Variants in NUP98 observed in about 807,000 individuals in gnomAD.
The protein encoded by NUP98 is nucleoporin 98 and 96 precursor.
NUP98 carries 26 observed loss-of-function variants against 191.9 expected under a neutral mutation model. That is an observed-to-expected ratio of 0.14 (90% confidence interval 0.10 to 0.19). The LOEUF is 0.19. Among genes scored for constraint, NUP98 ranks in the 10% least tolerant of loss-of-function variants. The pLI is 1.00. For missense variants in NUP98, 1,941 were observed against 2,178.8 expected (o/e 0.89, Z 2.17); for synonymous variants, 808 against 778.4 (o/e 1.04, Z -0.63).
chr11:3,797,289 G>C, intron 1 of NUP98, 111 bp downstream of exon 1: 1 of 397,096 alleles, frequency 2.5e-6, no homozygotes, highest in Non-Finnish European at 4.4e-6. Context: ...TGCGCGCAGC[G>C]GCGCTAGACT....
intron 20 of NUP98, among the ~76,000 whole-genome samples, chr11:3,708,471 T>A (rs758229347): frequency 3.2e-4 from 48 of 152,268 alleles, no homozygotes; most frequent in African/African-American, 1.1e-3. Context: ...ATGCTAAGGA[T>A]CAAGGTTTTA....
At chr11:3,700,501 A>T in intron 24 of NUP98, 109 bp downstream of exon 24, 1 of 655,164 alleles carries the variant, frequency 1.5e-6, no homozygotes, top group Non-Finnish European at 2.6e-6. Flanking sequence ...AATGACAAGC[A>T]CAGGCATTTA....
intron 27 of NUP98, among the ~76,000 whole-genome samples, chr11:3,691,707 C>T (rs920121799): frequency 1.3e-5 from 2 of 152,132 alleles, no homozygotes; most frequent in African/African-American, 2.4e-5. Flanking sequence ...CTGCACACCA[C>T]CACACCCGGC....
intron 31 of NUP98, among the ~76,000 whole-genome samples, chr11:3,677,428 T>TTG (rs1439462603): frequency 3.4e-5 from 5 of 147,062 alleles, no homozygotes; most frequent in Admixed American, 6.8e-5. Flanking sequence ...TTTTTTTTTT[T>TTG]GGGAGAAGGG....
chr11:3,753,279 G>T, intron 11 of NUP98, 37 bp downstream of exon 11: 1 of 1,482,296 alleles, frequency 6.7e-7, no homozygotes. Flanking sequence ...AAGTCAAGCT[G>T]TGTCACTTCC....
Position 3,675,939 on chromosome 11 carries a change from A to G in NUP98, c.*220T>C, listed in dbSNP as rs2077793726. The G allele has an allele frequency of 3.5e-6, 2 of 573,998 alleles. No individual in the cohort carries two copies. The highest frequency in any genetic ancestry group is 5.8e-5 in the East Asian group (2 of 34,660). 35.6% of individuals were successfully genotyped at this position (573,998 alleles called of 1,614,324 possible). ...GGAAAAACACTGAATGATCTTGAGG[A>G]TGGTAAACTGTCTCCTCTTCTGGGT... On this transcript the variant is annotated 3_prime_UTR_variant, in exon 33 of 33. Transcript: ENST00000324932.
chr11:3,759,696 A>T (rs2081099592), intron 10 of NUP98, among the ~76,000 whole-genome samples: 1 of 152,170 alleles, frequency 6.6e-6, no homozygotes, highest in South Asian at 2.1e-4. Context: ...ATTATTGTTC[A>T]ATCTTTTCTG....
intron 28 of NUP98, 117 bp from the exon 29 acceptor site, chr11:3,686,311 G>A (rs2078130795): frequency 1.2e-6 from 1 of 811,160 alleles, no homozygotes; most frequent in African/African-American, 1.7e-5. Flanking sequence ...AAGCATTATA[G>A]GCCTTCTCTC....
At chr11:3,717,251 G>A (rs1376230907) in intron 18 of NUP98, among the ~76,000 whole-genome samples, 1 of 152,106 alleles carries the variant, frequency 6.6e-6, no homozygotes, top group Non-Finnish European at 1.5e-5. Flanking sequence ...GCCCGCCTAG[G>A]CCTCCCGAAG....
chr11:3,713,687 C>G, intron 19 of NUP98, 131 bp downstream of exon 19: 1 of 874,604 alleles, frequency 1.1e-6, no homozygotes, highest in Admixed American at 2.9e-5. Flanking sequence ...CCATTGTACT[C>G]CAGCCTGAGC....
At chr11:3,685,623 CTTCA>C (rs1025823439) in intron 29 of NUP98, among the ~76,000 whole-genome samples, 1 of 152,210 alleles carries the variant, frequency 6.6e-6, no homozygotes, top group Non-Finnish European at 1.5e-5. Context: ...CTCATTTCCA[CTTCA>C]TTATTTCCTA....
intron 27 of NUP98, among the ~76,000 whole-genome samples, chr11:3,691,873 A>C (rs1158662022): frequency 6.6e-6 from 1 of 152,082 alleles, no homozygotes; most frequent in African/African-American, 2.4e-5. Context: ...TTATGTTTCA[A>C]ATTCTTAAGA....
At chr11:3,683,155 G>A (rs1243416438) in intron 30 of NUP98, 45 bp downstream of exon 30, 5 of 1,609,460 alleles carry the variant, frequency 3.1e-6, no homozygotes, top group East Asian at 2.2e-5. Context: ...TCAGAGGTTG[G>A]AGGAATTTGG....
intron 20 of NUP98, chr11:3,712,082 A>G: frequency 9.5e-7 from 1 of 1,051,470 alleles, no homozygotes; most frequent in Non-Finnish European, 1.1e-6. Context: ...TACTATTAAA[A>G]TACAAATATC....
At chr11:3,785,937 A>C (rs1266448123) in intron 1 of NUP98, among the ~76,000 whole-genome samples, 1 of 152,134 alleles carries the variant, frequency 6.6e-6, no homozygotes, top group Non-Finnish European at 1.5e-5. Context: ...TTATCCTTTC[A>C]AATATGTTAA....
intron 8 of NUP98, among the ~76,000 whole-genome samples, chr11:3,767,484 A>G (rs905350451): frequency 6.6e-6 from 1 of 150,956 alleles, no homozygotes; most frequent in Non-Finnish European, 1.5e-5. Flanking sequence ...GGCACCAACC[A>G]CTGTGCCTGG....
intron 20 of NUP98, 57 bp from the exon 21 acceptor site, chr11:3,706,684 A>G: frequency 6.9e-7 from 1 of 1,447,804 alleles, no homozygotes; most frequent in Non-Finnish European, 9.6e-7. Context: ...ACAGAAATAG[A>G]TTCTAAATCA....
At chr11:3,790,571 A>G (rs1691156648) in intron 1 of NUP98, among the ~76,000 whole-genome samples, 1 of 152,202 alleles carries the variant, frequency 6.6e-6, no homozygotes, top group South Asian at 2.1e-4. Flanking sequence ...GATGTGCAAA[A>G]TCAATGGTGT....
intron 8 of NUP98, among the ~76,000 whole-genome samples, chr11:3,766,445 T>C (rs905688240): frequency 6.6e-6 from 1 of 152,044 alleles, no homozygotes; most frequent in African/African-American, 2.4e-5. Context: ...AACCCAGCAC[T>C]TTGTGAGGCA....
Sources: allele counts gnomAD v4.1 joint callset (sites outside exome capture counted in the v4.1 genomes callset), GRCh38; gene constraint gnomAD v4.1.1; transcripts MANE v1.5; gene names NCBI Gene and HGNC (gene_info 2026-07-23, HGNC 2026-07-21).